APLF: variants seen among roughly 807,000 people sequenced by gnomAD.
APLF encodes the protein aprataxin and PNK-like factor.
APLF carries 61 observed loss-of-function variants against 55.6 expected under a neutral mutation model. The observed-to-expected ratio is 1.10, with a 90% CI of 0.89 to 1.36. The LOEUF (loss-of-function observed/expected upper bound fraction) is 1.36, where lower values mean the gene tolerates loss of function less well. APLF is among the 40% of genes most tolerant of loss of function. APLF has a pLI of 0.00. For missense variants in APLF, 611 were observed against 602.5 expected (o/e 1.01, Z -0.15); for synonymous variants, 207 against 214.8 (o/e 0.96, Z 0.32).
chr2:68,537,640 G>A (rs1670431890), intron 6 of APLF, among the ~76,000 whole-genome samples: 1 of 152,092 alleles, frequency 6.6e-6, no homozygotes, highest in African/African-American at 2.4e-5. Context: ...AAAGTGTTGG[G>A]ATTACAGGCC....
At chr2:68,568,837 A>G (rs1023440111) in intron 9 of APLF, among the ~76,000 whole-genome samples, 1 of 152,118 alleles carries the variant, frequency 6.6e-6, no homozygotes, top group Admixed American at 6.6e-5. Context: ...AGCATTTTTA[A>G]TAGAAGTATA....
At chr2:68,513,497 A>G (rs770008396) in intron 4 of APLF, 51 bp from the exon 5 acceptor site, 11 of 1,592,420 alleles carry the variant, frequency 6.9e-6, no homozygotes, top group African/African-American at 2.7e-5. Flanking sequence ...TATTTTGCAA[A>G]TTCATTCAAG....
At chr2:68,541,322 A>G (rs981962608) in intron 7 of APLF, among the ~76,000 whole-genome samples, 1 of 152,122 alleles carries the variant, frequency 6.6e-6, no homozygotes, top group African/African-American at 2.4e-5. Context: ...CCTTTATGTT[A>G]TATTTAAATA....
chr2:68,501,413 A>G (rs148067840), intron 2 of APLF, among the ~76,000 whole-genome samples: 22 of 151,652 alleles, frequency 1.5e-4, no homozygotes, highest in African/African-American at 5.1e-4. Flanking sequence ...GGTGCTCTCT[A>G]TAAGATTGTA....
chr2:68,519,825 A>G (rs1669842141), intron 5 of APLF, among the ~76,000 whole-genome samples: 2 of 151,596 alleles, frequency 1.3e-5, no homozygotes, highest in African/African-American at 4.8e-5. Flanking sequence ...TCTTCTGGGT[A>G]GTCAGCCAGT....
chr2:68,488,068 G>GA (rs1676239515), intron 1 of APLF, among the ~76,000 whole-genome samples: 1 of 152,010 alleles, frequency 6.6e-6, no homozygotes, highest in South Asian at 2.1e-4. Context: ...ATTGCTTCCT[G>GA]AAAAAATACA....
chr2:68,511,805 CAGT>C (rs1669381401), intron 3 of APLF, among the ~76,000 whole-genome samples: 1 of 151,604 alleles, frequency 6.6e-6, no homozygotes, highest in African/African-American at 2.4e-5. Flanking sequence ...GTTTGACACA[CAGT>C]AGAAGTTTTA....
At chr2:68,576,401 A>C (rs1671625345) in intron 9 of APLF, among the ~76,000 whole-genome samples, 1 of 152,214 alleles carries the variant, frequency 6.6e-6, no homozygotes, top group South Asian at 2.1e-4. Context: ...GATATATGTA[A>C]TGCAAGATTT....
At position 68,567,348 on chromosome 2, in the gene APLF, C is replaced by G; in HGVS notation, c.1294C>G (p.Pro432Ala). The G allele has an allele frequency of 6.2e-7, 1 of 1,605,288 alleles. No homozygotes were observed. Among genetic ancestry groups the G allele is most frequent in the Non-Finnish European group, 8.5e-7 (1 of 1,175,892 alleles). ...TTTGCATTCTTCTTTCAGGAAGAAT[C>G]CCCAGCACAAGATAGAATATAGACA... Reference protein sequence around the residue: ...PYGPSCYRKNPQHKIEYRHNT... With the variant: ...PYGPSCYRKNAQHKIEYRHNT... The change falls in exon 9 of 10, where the codon CCC becomes GCC. Residue 432 changes from proline (P) to alanine (A), a missense_variant. Pro to Ala is a conservative substitution (Grantham distance 27, BLOSUM62 -1). Transcript: ENST00000303795.
intron 6 of APLF, chr2:68,531,522 T>C (rs1405100586): frequency 6.6e-6 from 1 of 152,236 alleles, no homozygotes; most frequent in Non-Finnish European, 1.5e-5. Flanking sequence ...GCTACAGAAG[T>C]GGGGCCTGGT....
intron 5 of APLF, among the ~76,000 whole-genome samples, chr2:68,516,991 A>G (rs1425091533): frequency 8.1e-6 from 1 of 123,206 alleles, no homozygotes; most frequent in Non-Finnish European, 1.6e-5. Context: ...ATTATATATA[A>G]TAATATATGT....
intron 5 of APLF, among the ~76,000 whole-genome samples, chr2:68,519,248 A>G (rs1007743643): frequency 1.4e-4 from 20 of 139,976 alleles, no homozygotes; most frequent in African/African-American, 4.7e-4. Context: ...TATATTATAT[A>G]TCATTTATAT....
chr2:68,577,519 T>C (rs1197079218), intron 9 of APLF, among the ~76,000 whole-genome samples: 2 of 152,158 alleles, frequency 1.3e-5, no homozygotes, highest in Non-Finnish European at 2.9e-5. Context: ...AGTGAATAAT[T>C]GGGACAAAAA....
At chr2:68,552,023 C>T (rs1442354326) in intron 8 of APLF, among the ~76,000 whole-genome samples, 3 of 151,966 alleles carry the variant, frequency 2.0e-5, no homozygotes, top group African/African-American at 7.2e-5. Context: ...TGGCTTTTCC[C>T]GACTTTTATG....
At chr2:68,558,662 A>T (rs1671080764) in intron 8 of APLF, among the ~76,000 whole-genome samples, 2 of 152,104 alleles carry the variant, frequency 1.3e-5, no homozygotes, top group Non-Finnish European at 2.9e-5. Context: ...TTTCTGGGGT[A>T]CATGTGCAGG....
chr2:68,569,165 C>T (rs1671386607), intron 9 of APLF, among the ~76,000 whole-genome samples: 1 of 152,066 alleles, frequency 6.6e-6, no homozygotes, highest in Admixed American at 6.6e-5. Flanking sequence ...TGTTGAATGT[C>T]TTCCATGTGA....
Position 68,513,244 on chromosome 2 carries a change from C to T in APLF, c.489+17C>T. 1 of 1,592,990 alleles carries T rather than the reference C, an allele frequency of 6.3e-7. No homozygotes were observed. Among genetic ancestry groups the T allele is most frequent in the Non-Finnish European group, 8.5e-7 (1 of 1,172,054 alleles). On this transcript the variant is annotated intron_variant, in intron 4 of 9. Transcript: ENST00000303795. ...AATAGTGTGGTGAGAAATTTGATATCTCATCCATTTATAACATGTTCTTCA... is the reference window on the plus strand; with the variant it reads ...AATAGTGTGGTGAGAAATTTGATATTTCATCCATTTATAACATGTTCTTCA...
intron 5 of APLF, among the ~76,000 whole-genome samples, chr2:68,518,314 TAATAATATATAATATATTAATA>T (rs1669713732): frequency 8.8e-6 from 1 of 113,236 alleles, no homozygotes; most frequent in Admixed American, 1.1e-4. Flanking sequence ...ATATATTATT[TAATAATATATAATATATTAATA>T]AATAATTATA....
chr2:68,478,619 G>A (rs762656233), intron 1 of APLF, among the ~76,000 whole-genome samples: 2 of 152,184 alleles, frequency 1.3e-5, no homozygotes, highest in Non-Finnish European at 2.9e-5. Flanking sequence ...TGCTGCCCAA[G>A]CAGCAGCAGA....
Sources: allele counts gnomAD v4.1 joint callset (sites outside exome capture counted in the v4.1 genomes callset), GRCh38; gene constraint gnomAD v4.1.1; transcripts MANE v1.5; gene names NCBI Gene and HGNC (gene_info 2026-07-23, HGNC 2026-07-21).